The following CFAP210 variants were observed in gnomAD, a reference collection of about 807,000 sequenced individuals.
The protein encoded by CFAP210 is cilia and flagella associated protein 210, also known as cilia- and flagella- associated protein 210.
chr2:169,682,299 T>G, the CFAP210 span, among the ~76,000 whole-genome samples: 2 of 152,196 alleles, frequency 1.3e-5, no homozygotes, highest in Non-Finnish European at 2.9e-5. Context: ...CCTTATAAGC[T>G]ATATATGCAA....
chr2:169,659,493 T>A, the CFAP210 span, among the ~76,000 whole-genome samples: 10 of 152,092 alleles, frequency 6.6e-5, no homozygotes, highest in African/African-American at 2.4e-4. Flanking sequence ...GGGGAAGTGC[T>A]ACACACTTTT....
At chr2:169,669,000 G>A in the CFAP210 span, among the ~76,000 whole-genome samples, 1 of 152,096 alleles carries the variant, frequency 6.6e-6, no homozygotes, top group Non-Finnish European at 1.5e-5. Flanking sequence ...ATAAAGCAAA[G>A]CACAATCAAA....
the CFAP210 span, chr2:169,661,160 C>T: frequency 3.5e-6 from 2 of 575,308 alleles, no homozygotes; most frequent in East Asian, 4.7e-5. Flanking sequence ...TTTAATTTGC[C>T]TCCCAGTGGA....
At chr2:169,674,212 T>C in the CFAP210 span, among the ~76,000 whole-genome samples, 1 of 152,154 alleles carries the variant, frequency 6.6e-6, no homozygotes, top group South Asian at 2.1e-4. Context: ...TCAGAATGTA[T>C]ACACATGGAG....
At chr2:169,675,579 G>A in the CFAP210 span, among the ~76,000 whole-genome samples, 2 of 152,148 alleles carry the variant, frequency 1.3e-5, no homozygotes, top group African/African-American at 4.8e-5. Flanking sequence ...CAATGGGGAT[G>A]GTGCTAAACC....
At chr2:169,655,713 T>A in the CFAP210 span, among the ~76,000 whole-genome samples, 1 of 152,188 alleles carries the variant, frequency 6.6e-6, no homozygotes, top group Admixed American at 6.5e-5. Flanking sequence ...AAAAACTAGG[T>A]CTGTCCTACT....
At chr2:169,674,478 T>G in the CFAP210 span, 2 of 1,011,364 alleles carry the variant, frequency 2.0e-6, no homozygotes, top group Non-Finnish European at 1.4e-6. Flanking sequence ...TTCTACTGAC[T>G]AATTATTTTA....
the CFAP210 span, among the ~76,000 whole-genome samples, chr2:169,688,044 C>G: frequency 6.6e-6 from 1 of 152,230 alleles, no homozygotes; most frequent in Non-Finnish European, 1.5e-5. Flanking sequence ...TACATTGGCC[C>G]CTTTCAGCCA....
the CFAP210 span, among the ~76,000 whole-genome samples, chr2:169,652,864 G>C: frequency 0.049 from 7,303 of 148,364 alleles, 252 homozygotes; most frequent in Non-Finnish European, 0.076. Context: ...GCCGGGCCTG[G>C]TGGCGGGCTC....
At chr2:169,655,806 G>A in the CFAP210 span, among the ~76,000 whole-genome samples, 4 of 152,064 alleles carry the variant, frequency 2.6e-5, no homozygotes, top group Non-Finnish European at 4.4e-5. Flanking sequence ...AACATTTCAA[G>A]TAAAAGTCTT....
At chr2:169,692,624 C>T in the CFAP210 span, among the ~76,000 whole-genome samples, 2 of 152,042 alleles carry the variant, frequency 1.3e-5, no homozygotes, top group Non-Finnish European at 2.9e-5. Context: ...TACCTTCCAA[C>T]ATTTTTACAT....
the CFAP210 span, among the ~76,000 whole-genome samples, chr2:169,660,742 C>T: frequency 6.6e-6 from 1 of 151,960 alleles, no homozygotes; most frequent in Non-Finnish European, 1.5e-5. Context: ...GCTGGGACCA[C>T]AGGCGTGCAC....
chr2:169,678,379 ATTAAGCC>A, the CFAP210 span, among the ~76,000 whole-genome samples: 1 of 151,630 alleles, frequency 6.6e-6, no homozygotes, highest in South Asian at 2.1e-4. Context: ...AAAGAAAGAA[ATTAAGCC>A]TTAAACAAAT....
At chr2:169,674,573 T>G in the CFAP210 span, 2 of 1,586,778 alleles carry the variant, frequency 1.3e-6, no homozygotes, top group Non-Finnish European at 1.7e-6. Flanking sequence ...TATGTATACA[T>G]ACTGTTTTAG....
chr2:169,652,264 A>C, the CFAP210 span, among the ~76,000 whole-genome samples: 10 of 152,224 alleles, frequency 6.6e-5, no homozygotes, highest in African/African-American at 2.2e-4. Context: ...GACAAAAGAT[A>C]ATAAATGCCA....
At chr2:169,675,123 A>G in the CFAP210 span, 1 of 988,340 alleles carries the variant, frequency 1.0e-6, no homozygotes, top group Non-Finnish European at 1.4e-6. Flanking sequence ...TGATAATTTG[A>G]GCTTTTATGT....
the CFAP210 span, among the ~76,000 whole-genome samples, chr2:169,687,860 CTGCCTCTGCAGCAAACTTT>C: frequency 0.14 from 21,124 of 152,224 alleles, 1,559 homozygotes; most frequent in Middle Eastern, 0.19. Flanking sequence ...CATGAGGGCC[CTGCCTCTGCAGCAAACTTT>C]TGCCTGGACA....
chr2:169,676,918 T>G, the CFAP210 span, among the ~76,000 whole-genome samples: 1 of 152,038 alleles, frequency 6.6e-6, no homozygotes, highest in African/African-American at 2.4e-5. Flanking sequence ...GAAAGTAGGG[T>G]GGAGGGAGGG....
At chr2:169,673,281 G>A in the CFAP210 span, among the ~76,000 whole-genome samples, 1 of 152,196 alleles carries the variant, frequency 6.6e-6, no homozygotes, top group African/African-American at 2.4e-5. Flanking sequence ...CTGTGAAGGT[G>A]TTAGCACTTG....
Sources: gnomAD v4.1 joint callset for allele counts (sites outside exome capture counted in the v4.1 genomes callset) on GRCh38, gnomAD v4.1.1 for gene constraint, MANE v1.5 for transcripts, NCBI Gene and HGNC (gene_info 2026-07-23, HGNC 2026-07-21) for gene names.